Variants in GLS observed in about 807,000 individuals in gnomAD.
GLS encodes the protein glutaminase kidney isoform, mitochondrial.
In GLS, 36 loss-of-function variants were observed where a neutral mutation model predicts 86.7. The observed-to-expected ratio is 0.42, with a 90% CI of 0.32 to 0.55. GLS has a LOEUF of 0.55. Among genes scored for constraint, GLS ranks in the 20% least tolerant of loss-of-function variants. The pLI, the probability that GLS is intolerant of heterozygous loss-of-function variation, is 0.17. For missense variants in GLS, 528 were observed against 833.4 expected, an observed-to-expected ratio of 0.63 and a Z score of 4.51; for synonymous variants, 317 against 305.9, an observed-to-expected ratio of 1.04 and a Z score of -0.38.
rs768284745 is a variant in GLS, at chr2:190,921,238, A to G, written c.1130+35A>G. The stretch of plus-strand genomic sequence containing the variant: ...TTAAATACTGTTTTGTTACGTAAAA[A>G]CACACAACTGTATTTAGAATTGATC... On this transcript the variant is annotated intron_variant, in intron 9 of 17. Transcript: ENST00000320717. This position sits in a 1 kb window ranked among gnomAD's most constrained non-coding sequence, Gnocchi z 4.2. The G allele has an allele frequency of 2.3e-6, 3 of 1,309,180 alleles. No individual in the cohort carries two copies. The highest frequency in any genetic ancestry group is 2.4e-5 in the South Asian group (2 of 84,656). The allele number at this position is 1,309,180 out of a possible 1,614,324, so 81.1% of individuals were successfully genotyped here. A position where few individuals can be genotyped will look rare whatever the true frequency, so the allele number is the denominator to read the frequency against.
intron 12 of GLS, among the ~76,000 whole-genome samples, chr2:190,929,185 A>G (rs1203090078): frequency 6.6e-6 from 1 of 151,498 alleles, no homozygotes; most frequent in Non-Finnish European, 1.5e-5. Flanking sequence ...TCATTTGTCA[A>G]GTTTTGCTAA....
At chr2:190,925,106 T>C (rs1286037987) in intron 11 of GLS, among the ~76,000 whole-genome samples, 1 of 152,220 alleles carries the variant, frequency 6.6e-6, no homozygotes, top group African/African-American at 2.4e-5. Context: ...TGTAAACATA[T>C]TTAAGAATTG....
At position 190,930,384 on chromosome 2, in the gene GLS, A is replaced by G. The variant is rs115122098; in HGVS notation, c.1426-53A>G. 2.2e-3 allele frequency: 3,031 copies of G among 1,363,756 alleles called. 4 individuals are homozygous for G. Among genetic ancestry groups the G allele is most frequent in the Non-Finnish European group, 2.6e-3 (2,529 of 954,726 alleles). The allele number at this position is 1,363,756 out of a possible 1,614,324, so 84.5% of individuals were successfully genotyped here. A position where few individuals can be genotyped will look rare whatever the true frequency, so the allele number is the denominator to read the frequency against. ...CAGTTTCCCTATTGTTGAACATAACATTTCTTATTTTAAAATGTTTACCTG... is the reference window on the plus strand; with the variant it reads ...CAGTTTCCCTATTGTTGAACATAACGTTTCTTATTTTAAAATGTTTACCTG... On this transcript the variant is annotated intron_variant, in intron 12 of 17. Coordinates refer to ENST00000320717, the MANE Select transcript of GLS (RefSeq NM_014905.5). This position sits in a 1 kb window ranked among gnomAD's most constrained non-coding sequence, Gnocchi z 5.0.
intron 14 of GLS, among the ~76,000 whole-genome samples, chr2:190,942,944 G>A (rs1027963474): frequency 2.0e-5 from 3 of 152,158 alleles, no homozygotes; most frequent in African/African-American, 7.2e-5. Context: ...CAAGGTGGCT[G>A]TTTCATCTTT....
At chr2:190,918,455 G>A (rs1485201299) in intron 7 of GLS, among the ~76,000 whole-genome samples, 2 of 152,048 alleles carry the variant, frequency 1.3e-5, no homozygotes, top group African/African-American at 4.8e-5. Context: ...AGAGAGTTAG[G>A]GCCTTGTTCT....
Position 190,957,296 on chromosome 2 carries a change from TG to T in GLS, c.1853+2480del, listed in dbSNP as rs1690883246. ...TAGTAGAGATGGGGTTTCACCATGT[TG>T]GCCAGGCTGCTCTCGAACTCCTGAC... On this transcript the variant is annotated intron_variant, in intron 17 of 17. Coordinates refer to ENST00000320717, the MANE Select transcript of GLS (RefSeq NM_014905.5). Among the ~76,000 whole-genome samples the T allele has an allele frequency of 3.3e-5, 5 of 152,298 alleles. No homozygotes were observed. In the South Asian group the frequency reaches 1.0e-3, roughly 32 times the overall value.
intron 1 of GLS, among the ~76,000 whole-genome samples, chr2:190,885,336 C>T (rs981587416): frequency 1.3e-5 from 2 of 152,020 alleles, no homozygotes; most frequent in African/African-American, 4.8e-5. Flanking sequence ...GGATTACAGG[C>T]ACCCGCCACC....
chr2:190,954,527 C>T lies in GLS; in HGVS notation c.1713-57C>T. ...AATGAACTGATGGAGTGAATGTTAC[C>T]AGTGTGAATTAAATTTGCTTTATAT... On this transcript the variant is annotated intron_variant, in intron 15 of 17. Coordinates refer to ENST00000320717, the MANE Select transcript of GLS (RefSeq NM_014905.5). The surrounding 1 kb of genome is among the most constrained non-coding windows in gnomAD (Gnocchi z 4.0). 1 of 1,097,084 alleles carries T rather than the reference C, an allele frequency of 9.1e-7. No homozygotes were observed. Among genetic ancestry groups the T allele is most frequent in the Non-Finnish European group, 1.4e-6 (1 of 734,418 alleles). The allele number at this position is 1,097,084 out of a possible 1,614,324, so 68.0% of individuals were successfully genotyped here. A position where few individuals can be genotyped will look rare whatever the true frequency, so the allele number is the denominator to read the frequency against.
intron 17 of GLS, among the ~76,000 whole-genome samples, chr2:190,961,396 C>T (rs966347413): frequency 1.3e-5 from 2 of 152,150 alleles, no homozygotes; most frequent in African/African-American, 4.8e-5. Flanking sequence ...GGGGTTTCGC[C>T]ATGTTGGTCA....
At chr2:190,937,831 A>C (rs979281538) in intron 14 of GLS, among the ~76,000 whole-genome samples, 2 of 146,470 alleles carry the variant, frequency 1.4e-5, no homozygotes, top group Non-Finnish European at 3.0e-5. Flanking sequence ...TTTTTGGCGG[A>C]ATCTGTGGGT....
intron 1 of GLS, among the ~76,000 whole-genome samples, chr2:190,894,138 G>A (rs551179978): frequency 6.6e-6 from 1 of 152,212 alleles, no homozygotes; most frequent in African/African-American, 2.4e-5. Flanking sequence ...AGAATTTGAT[G>A]TATACAGTCT....
chr2:190,948,610 T>C (rs1690638080), intron 14 of GLS, among the ~76,000 whole-genome samples: 1 of 152,210 alleles, frequency 6.6e-6, no homozygotes, highest in Admixed American at 6.5e-5. Flanking sequence ...AACATAGTTT[T>C]AAAAATAATA....
Position 190,902,018 on chromosome 2 carries a change from T to G in GLS, c.807T>G (p.Asp269Glu). The G allele has an allele frequency of 1.9e-6, 3 of 1,600,818 alleles. No individual in the cohort carries two copies. Among genetic ancestry groups the G allele is most frequent in the Non-Finnish European group, 2.6e-6 (3 of 1,168,046 alleles). The stretch of plus-strand genomic sequence containing the variant: ...GGGGTGTGTCTGTTTGTACAGTAGA[T>G]GGACAGAGGTAAGTTTATTTCAAAT... ...DLWGVSVCTVDGQRHSTGDTK... is the reference protein window; with the variant it reads ...DLWGVSVCTVEGQRHSTGDTK... The change falls in exon 5 of 18, where the codon GAT becomes GAG. Residue 269 changes from aspartate (D) to glutamate (E), a missense_variant. Physicochemically the swap from Asp to Glu is conservative, Grantham distance 45. Transcript: ENST00000320717.
intron 1 of GLS, among the ~76,000 whole-genome samples, chr2:190,886,894 T>C (rs1031687575): frequency 4.9e-5 from 7 of 142,582 alleles, no homozygotes; most frequent in African/African-American, 1.9e-4. Context: ...CCAGCCTGGG[T>C]GACAGAGCGA....
chr2:190,903,115 C>A (rs571560933), intron 5 of GLS, among the ~76,000 whole-genome samples: 36 of 152,332 alleles, frequency 2.4e-4, no homozygotes, highest in Admixed American at 2.0e-3. Context: ...GATCTTCCTG[C>A]CTTGGCATCC....
chr2:190,917,937 A>G (rs1689596289), intron 7 of GLS, among the ~76,000 whole-genome samples: 2 of 152,062 alleles, frequency 1.3e-5, no homozygotes, highest in African/African-American at 4.8e-5. Flanking sequence ...AAAAAACAAA[A>G]TCTTTTTGAG....
intron 3 of GLS, among the ~76,000 whole-genome samples, chr2:190,899,321 T>A (rs1360862775): frequency 6.6e-6 from 1 of 152,120 alleles, no homozygotes; most frequent in African/African-American, 2.4e-5. Flanking sequence ...GGACTGTAAT[T>A]TTTTTAATGT....
chr2:190,924,861 G>GCCGA lies in GLS; in HGVS notation c.1248+269_1248+272dup. The GCCGA allele has an allele frequency of 3.1e-6, 1 of 326,014 alleles. No homozygotes were observed. Among genetic ancestry groups the GCCGA allele is most frequent in the Non-Finnish European group, 5.7e-6 (1 of 174,238 alleles). 20.2% of individuals were successfully genotyped at this position (326,014 alleles called of 1,614,324 possible). A position where few individuals can be genotyped will look rare whatever the true frequency, so the allele number is the denominator to read the frequency against. Reference sequence around the variant, plus strand: ...ACCTGGAAGGCCGAGGTTGCAGTGAGCCGAGATCACGCCACTGCATTCCAG... The same window carrying GCCGA: ...ACCTGGAAGGCCGAGGTTGCAGTGAGCCGACCGAGATCACGCCACTGCATTCCAG... On this transcript the variant is annotated intron_variant, in intron 11 of 17. Coordinates refer to ENST00000320717, the MANE Select transcript of GLS (RefSeq NM_014905.5). This position sits in a 1 kb window ranked among gnomAD's most constrained non-coding sequence, Gnocchi z 5.2.
chr2:190,884,431 A>G (rs946422491), intron 1 of GLS, among the ~76,000 whole-genome samples: 54 of 152,366 alleles, frequency 3.5e-4, no homozygotes, highest in African/African-American at 1.3e-3. Context: ...TTAATTTGAA[A>G]ATAGCACTCT....
Sources: allele counts gnomAD v4.1 joint callset (sites outside exome capture counted in the v4.1 genomes callset), GRCh38; gene constraint gnomAD v4.1.1; non-coding constraint Gnocchi (gnomAD v3.1); transcripts MANE v1.5; gene names NCBI Gene and HGNC (gene_info 2026-07-23, HGNC 2026-07-21).